The following SLX4IP variants were observed in gnomAD, a reference collection of about 807,000 sequenced individuals.
The protein encoded by SLX4IP is SLX4 interacting protein.
In SLX4IP, 34 loss-of-function variants were observed where a neutral mutation model predicts 32.9. The observed-to-expected ratio is 1.03, with a 90% CI of 0.79 to 1.38. The LOEUF (loss-of-function observed/expected upper bound fraction) is 1.38, where lower values mean the gene tolerates loss of function less well. Ranked by LOEUF, SLX4IP falls within the 40% of genes most tolerant of loss-of-function variation. The pLI is 0.00. For missense variants in SLX4IP, 444 were observed against 479.0 expected, an observed-to-expected ratio of 0.93 and a Z score of 0.68; for synonymous variants, 172 against 171.7, an observed-to-expected ratio of 1.00 and a Z score of -0.01.
At chr20:10,441,115 T>C (rs1222203703) in intron 1 of SLX4IP, among the ~76,000 whole-genome samples, 1 of 152,156 alleles carries the variant, frequency 6.6e-6, no homozygotes, top group African/African-American at 2.4e-5. Flanking sequence ...GGTGCCTATG[T>C]CTGTTTCTGA....
intron 2 of SLX4IP, among the ~76,000 whole-genome samples, chr20:10,519,668 G>GT (rs940790255): frequency 1.3e-5 from 2 of 152,174 alleles, no homozygotes; most frequent in African/African-American, 4.8e-5. Context: ...TATGACTAAT[G>GT]TTGCTATGCA....
chr20:10,485,573 G>T (rs1215496553), intron 2 of SLX4IP, among the ~76,000 whole-genome samples: 2 of 150,790 alleles, frequency 1.3e-5, no homozygotes, highest in Non-Finnish European at 2.9e-5. Context: ...GCCCGAGATC[G>T]CACCACTACA....
At position 10,541,271 on chromosome 20, in the gene SLX4IP, T is replaced by C. The variant is rs148732623; in HGVS notation, c.28-14960T>C. ...CAAAGAAATTTCCCAGGTTAGTCCC[T>C]ATCATTCCCTCACATGTGGTCCTTA... On this transcript the variant is annotated intron_variant, in intron 2 of 7. Transcript: ENST00000334534. Among the ~76,000 whole-genome samples, 16 of 152,348 alleles carry C rather than the reference T, an allele frequency of 1.1e-4. No homozygotes were observed. In the East Asian group the frequency reaches 3.1e-3, roughly 29 times the overall value.
Position 10,458,237 on chromosome 20 carries a change from TA to T in SLX4IP, c.27+8del. The T allele has an allele frequency of 6.3e-7, 1 of 1,584,906 alleles. No individual in the cohort carries two copies. Among genetic ancestry groups the T allele is most frequent in the Admixed American group, 1.8e-5 (1 of 55,162 alleles). On this transcript the variant is annotated splice_region_variant and intron_variant, in intron 2 of 7. Coordinates refer to ENST00000334534, the MANE Select transcript of SLX4IP (RefSeq NM_001009608.3). ...CTAAGAAATTTGCTGTTAAAGTAAGTAATGTTTAATAGCTTTTTAAAAAGAG... is the reference window on the plus strand; with the variant it reads ...CTAAGAAATTTGCTGTTAAAGTAAGTATGTTTAATAGCTTTTTAAAAAGAG...
At chr20:10,567,896 C>T (rs1178764022) in intron 4 of SLX4IP, among the ~76,000 whole-genome samples, 1 of 152,202 alleles carries the variant, frequency 6.6e-6, no homozygotes, top group African/African-American at 2.4e-5. Context: ...CTGGCTAGTA[C>T]CATCCCATTG....
intron 2 of SLX4IP, among the ~76,000 whole-genome samples, chr20:10,484,907 T>C (rs1294956042): frequency 6.6e-6 from 1 of 151,960 alleles, no homozygotes; most frequent in East Asian, 1.9e-4. Context: ...ACACCTGAAT[T>C]CCTGACAAAG....
At chr20:10,557,076 A>G (rs1600998720) in intron 3 of SLX4IP, among the ~76,000 whole-genome samples, 1 of 152,204 alleles carries the variant, frequency 6.6e-6, no homozygotes, top group East Asian at 1.9e-4. Flanking sequence ...TGTGGCTTTT[A>G]CACACCTTTA....
chr20:10,454,720 A>G (rs1286065093), intron 1 of SLX4IP, among the ~76,000 whole-genome samples: 1 of 152,096 alleles, frequency 6.6e-6, no homozygotes, highest in Non-Finnish European at 1.5e-5. Flanking sequence ...GCATTCCTGT[A>G]TAATTTTTTT....
intron 4 of SLX4IP, 63 bp from the exon 5 acceptor site, chr20:10,598,612 C>A: frequency 2.7e-6 from 4 of 1,462,040 alleles, no homozygotes; most frequent in Non-Finnish European, 3.8e-6. Flanking sequence ...AGGCACTGGG[C>A]TGAACTCCAG....
intron 2 of SLX4IP, among the ~76,000 whole-genome samples, chr20:10,518,869 C>A (rs1259756510): frequency 1.3e-5 from 2 of 152,112 alleles, no homozygotes; most frequent in Non-Finnish European, 2.9e-5. Flanking sequence ...CATTCCTGAC[C>A]TAGGGGCTTT....
chr20:10,477,334 C>T (rs756292105), intron 2 of SLX4IP, among the ~76,000 whole-genome samples: 7 of 152,176 alleles, frequency 4.6e-5, no homozygotes, highest in South Asian at 2.1e-4. Context: ...TTAGTAGAGA[C>T]GGGATTTCAC....
chr20:10,537,369 T>C (rs2066056783), intron 2 of SLX4IP, among the ~76,000 whole-genome samples: 1 of 152,208 alleles, frequency 6.6e-6, no homozygotes, highest in Non-Finnish European at 1.5e-5. Flanking sequence ...AGAAGGTAAA[T>C]ACTCCAGTCA....
At chr20:10,548,262 G>A (rs189019825) in intron 2 of SLX4IP, among the ~76,000 whole-genome samples, 5 of 151,390 alleles carry the variant, frequency 3.3e-5, no homozygotes, top group Admixed American at 6.6e-5. Context: ...TTTCTGAAAC[G>A]GAGTCTCGCT....
intron 2 of SLX4IP, among the ~76,000 whole-genome samples, chr20:10,518,758 C>T (rs1004647279): frequency 6.6e-6 from 1 of 151,622 alleles, no homozygotes; most frequent in South Asian, 2.1e-4. Context: ...TTTGTAGAGA[C>T]GGGGTTTGGC....
intron 1 of SLX4IP, among the ~76,000 whole-genome samples, chr20:10,453,307 C>CGTGTGTGTGTATGT (rs71311136): frequency 0.064 from 9,189 of 142,888 alleles, 335 homozygotes; most frequent in Admixed American, 0.089. Context: ...AAAACTCATC[C>CGTGTGTGTGTATGT]GTGTGTGTGT....
At chr20:10,481,441 C>A (rs547579234) in intron 2 of SLX4IP, among the ~76,000 whole-genome samples, 1 of 152,234 alleles carries the variant, frequency 6.6e-6, no homozygotes, top group East Asian at 1.9e-4. Context: ...TTATTTTTAT[C>A]TGCCTTTCAT....
intron 2 of SLX4IP, among the ~76,000 whole-genome samples, chr20:10,472,890 A>G (rs2065438017): frequency 6.6e-6 from 1 of 152,164 alleles, no homozygotes; most frequent in African/African-American, 2.4e-5. Flanking sequence ...TGTTTCATTC[A>G]AGTATAAAAA....
intron 1 of SLX4IP, among the ~76,000 whole-genome samples, chr20:10,435,891 G>C (rs1296650100): frequency 3.3e-5 from 5 of 152,014 alleles, no homozygotes; most frequent in Admixed American, 1.3e-4. Flanking sequence ...AAGGATTCAG[G>C]AGTTAGCTAA....
At chr20:10,506,425 T>A (rs2065760247) in intron 2 of SLX4IP, among the ~76,000 whole-genome samples, 1 of 152,208 alleles carries the variant, frequency 6.6e-6, no homozygotes, top group Non-Finnish European at 1.5e-5. Context: ...TTTCATAAAT[T>A]TACTGAACAC....
Sources: allele counts gnomAD v4.1 joint callset (sites outside exome capture counted in the v4.1 genomes callset), GRCh38; gene constraint gnomAD v4.1.1; transcripts MANE v1.5; gene names NCBI Gene and HGNC (gene_info 2026-07-23, HGNC 2026-07-21).